DNAH5: variants seen among roughly 807,000 people sequenced by gnomAD.
DNAH5 encodes the protein axonemal beta dynein heavy chain 5.
In DNAH5, 372 loss-of-function variants were observed where a neutral mutation model predicts 518.2. The ratio of observed to expected loss-of-function variants is 0.72; its 90% CI spans 0.66 to 0.78. DNAH5 has a LOEUF of 0.78. Ranked by LOEUF, DNAH5 falls within the 30% of genes least tolerant of loss-of-function variation. The pLI is 0.00. For synonymous variants in DNAH5, 2,039 were observed against 2,025.9 expected, an observed-to-expected ratio of 1.01 and a Z score of -0.17; for missense variants, 5,523 against 5,687.0, an observed-to-expected ratio of 0.97 and a Z score of 0.93.
rs899244121 is a variant in DNAH5, at chr5:13,716,415, G to A, written c.12909+72C>T. On this transcript the variant is annotated intron_variant, in intron 74 of 78. Coordinates refer to ENST00000265104, the MANE Select transcript of DNAH5 (RefSeq NM_001369.3). Reference sequence around the variant, plus strand: ...ATGTATTGTAAAAGCAATATAGACAGTGTAATTAATACCCAAAACTCAAGT... The same window carrying A: ...ATGTATTGTAAAAGCAATATAGACAATGTAATTAATACCCAAAACTCAAGT... The A allele has an allele frequency of 3.2e-5, 33 of 1,025,132 alleles. No homozygotes were observed. The African/African-American group carries it at 4.3e-4, about 13-fold the overall frequency. 63.5% of individuals were successfully genotyped at this position (1,025,132 alleles called of 1,614,324 possible).
intron 55 of DNAH5, among the ~76,000 whole-genome samples, chr5:13,776,076 C>T (rs954346215): frequency 1.3e-5 from 2 of 152,004 alleles, no homozygotes; most frequent in African/African-American, 4.8e-5. Flanking sequence ...TGGTCCATGG[C>T]ATGGAAGATC....
Position 13,693,975 on chromosome 5 carries a change from G to A in DNAH5, c.13724-1840C>T, listed in dbSNP as rs112546503. ...TGAATGACAATGAATCATGCAATACGGTTAACGCTAACTATACTCACTGAT... is the reference window on the plus strand; with the variant it reads ...TGAATGACAATGAATCATGCAATACAGTTAACGCTAACTATACTCACTGAT... On this transcript the variant is annotated intron_variant, in intron 78 of 78. Coordinates refer to ENST00000265104, the MANE Select transcript of DNAH5 (RefSeq NM_001369.3). Among the ~76,000 whole-genome samples, 565 of 152,150 alleles carry A rather than the reference G, an allele frequency of 3.7e-3. 5 individuals carry two copies. Among genetic ancestry groups the A allele is most frequent in the African/African-American group, 0.013 (531 of 41,494 alleles).
At chr5:13,752,003 G>T in intron 64 of DNAH5, 131 bp downstream of exon 64, 1 of 942,474 alleles carries the variant, frequency 1.1e-6, no homozygotes, top group Non-Finnish European at 1.7e-6. Context: ...AAGAAGTGTA[G>T]AAGAGAAAAA....
At position 13,762,707 on chromosome 5, in the gene DNAH5, G is replaced by A. The variant is rs1561197140; in HGVS notation, c.10281+15C>T. The A allele has an allele frequency of 1.2e-6, 2 of 1,613,394 alleles. No individual in the cohort carries two copies. Among genetic ancestry groups the A allele is most frequent in the East Asian group, 4.5e-5 (2 of 44,856 alleles). ...CGCCCAGCCACCTTCACCCAGGTCT[G>A]CCTAGCAGGCTTACCTTCAGAGGCA... On this transcript the variant is annotated intron_variant, in intron 60 of 78. Coordinates refer to ENST00000265104, the MANE Select transcript of DNAH5 (RefSeq NM_001369.3).
chr5:13,835,278 CA>C (rs57989593), intron 35 of DNAH5, among the ~76,000 whole-genome samples: 38 of 142,966 alleles, frequency 2.7e-4, no homozygotes, highest in Admixed American at 5.5e-4. Context: ...GACTTCTTCT[CA>C]AAAAAAAAAA....
chr5:13,771,254 G>A, intron 55 of DNAH5: 1 of 444,402 alleles, frequency 2.3e-6, no homozygotes, highest in Non-Finnish European at 4.1e-6. Context: ...CTACACAGCT[G>A]CAGGTTCTGG....
chr5:13,972,400 G>T (rs921273243), intron 1 of DNAH5, among the ~76,000 whole-genome samples: 5 of 152,204 alleles, frequency 3.3e-5, no homozygotes, highest in African/African-American at 1.2e-4. Flanking sequence ...TCAATTGGAA[G>T]TTTCCTTCTC....
intron 60 of DNAH5, among the ~76,000 whole-genome samples, chr5:13,761,364 T>C (rs991355490): frequency 6.6e-6 from 1 of 152,022 alleles, no homozygotes; most frequent in Non-Finnish European, 1.5e-5. Flanking sequence ...GAGGCCGAGG[T>C]GGGCGGATCA....
intron 31 of DNAH5, among the ~76,000 whole-genome samples, chr5:13,847,084 G>C (rs1766104541): frequency 6.6e-6 from 1 of 152,138 alleles, no homozygotes; most frequent in Non-Finnish European, 1.5e-5. Flanking sequence ...CCAAACTCCT[G>C]AGACGGTATA....
intron 49 of DNAH5, 69 bp downstream of exon 49, chr5:13,793,446 G>T: frequency 2.2e-6 from 3 of 1,384,016 alleles, no homozygotes; most frequent in Admixed American, 1.7e-5. Context: ...CTTGGGTGAA[G>T]ATTTTCAAAA....
intron 38 of DNAH5, among the ~76,000 whole-genome samples, chr5:13,824,590 G>C (rs1762654064): frequency 6.6e-6 from 1 of 152,116 alleles, no homozygotes; most frequent in Non-Finnish European, 1.5e-5. Flanking sequence ...GCTTGGCAGG[G>C]AAAAAGGAAT....
At chr5:13,998,412 T>C (rs971554637) in intron 1 of DNAH5, among the ~76,000 whole-genome samples, 2 of 152,148 alleles carry the variant, frequency 1.3e-5, no homozygotes, top group African/African-American at 4.8e-5. Context: ...CAACATGAAT[T>C]TGGGAGGGAC....
At chr5:13,742,235 T>C (rs985055996) in intron 65 of DNAH5, among the ~76,000 whole-genome samples, 5 of 152,124 alleles carry the variant, frequency 3.3e-5, no homozygotes, top group Non-Finnish European at 7.4e-5. Context: ...AATGAGAGCA[T>C]GGACTATCAA....
In DNAH5 at chr5:13,769,594, C is replaced by T. The variant is rs760165157; in HGVS notation, c.9627G>A (p.Lys3209=). 7 of 1,613,986 alleles carry T rather than the reference C, an allele frequency of 4.3e-6. No individual in the cohort carries two copies. The East Asian group carries it at 1.6e-4, about 36-fold the overall frequency. Residue 3209 remains lysine, a synonymous_variant, in exon 57 of 79, where the codon AAG becomes AAA. Transcript: ENST00000265104. ...CAACAGACTCTGAAGCTTCTTTGAG[C>T]TTTTCCAATCCAGTATTCATTCTGG... is the stretch of plus-strand genomic sequence containing the variant. The part of the protein sequence containing the change: ...LANRMNTGLE[K]LKEASESVAA...
rs184412658 is a variant in DNAH5, at chr5:13,769,311, G to A, written c.9721-175C>T. Among the ~76,000 whole-genome samples, 17 of 147,470 alleles carry A rather than the reference G, an allele frequency of 1.2e-4. No individual in the cohort carries two copies. In the East Asian group the frequency reaches 2.4e-3, roughly 21 times the overall value. ...CGCCCAGGCTGGAGTGCAGTAGCGC[G>A]ATCTTGGCTCACTGCAAGCTCCGCC... On this transcript the variant is annotated intron_variant, in intron 57 of 78. Transcript: ENST00000265104.
chr5:13,814,524 G>GA (rs1413479753), intron 43 of DNAH5, 81 bp downstream of exon 43: 3 of 1,457,648 alleles, frequency 2.1e-6, no homozygotes, highest in East Asian at 4.5e-5. Context: ...GCCATCTGCA[G>GA]AAAAATTGGC....
At chr5:13,814,884 C>A in intron 42 of DNAH5, 38 bp from the exon 43 acceptor site, 1 of 1,604,110 alleles carries the variant, frequency 6.2e-7, no homozygotes, top group Non-Finnish European at 8.5e-7. Flanking sequence ...AAAATACATA[C>A]ACTCATGCAG....
chr5:13,994,925 C>T (rs1783827682), intron 1 of DNAH5, among the ~76,000 whole-genome samples: 1 of 152,216 alleles, frequency 6.6e-6, no homozygotes, highest in African/African-American at 2.4e-5. Flanking sequence ...ATTCATCCAT[C>T]ACACATGAGT....
In DNAH5 at chr5:13,701,205, AG is replaced by A. The variant is rs201689662; in HGVS notation, c.13491+78del. ...AGACAGTCATTCTCTGTCTTATTAT[AG>A]TCTTTAAAACTATAATGATGGAAAA... On this transcript the variant is annotated intron_variant, in intron 77 of 78. Transcript: ENST00000265104. The A allele has an allele frequency of 1.8e-3, 2,905 of 1,575,702 alleles. 57 individuals carry two copies. Among genetic ancestry groups the A allele is most frequent in the Non-Finnish European group, 4.8e-4 (551 of 1,145,482 alleles).
Sources: allele counts gnomAD v4.1 joint callset (sites outside exome capture counted in the v4.1 genomes callset), GRCh38; gene constraint gnomAD v4.1.1; transcripts MANE v1.5; gene names NCBI Gene and HGNC (gene_info 2026-07-23, HGNC 2026-07-21).